Variants in CEP85 observed in about 807,000 individuals in gnomAD.
CEP85 encodes centrosomal protein 85.
A neutral mutation model predicts 93.7 loss-of-function variants in CEP85; 58 were observed. That is an observed-to-expected ratio of 0.62 (90% CI 0.50 to 0.77). The LOEUF (loss-of-function observed/expected upper bound fraction) is 0.77, where lower values mean the gene tolerates loss of function less well. CEP85 is among the 30% of genes least tolerant of loss of function. The pLI is 0.00. For synonymous variants in CEP85, 314 were observed against 338.6 expected (o/e 0.93, Z 0.80); for missense variants, 868 against 922.0 (o/e 0.94, Z 0.76).
chr1:26,275,141 C>T (rs1220158868), intron 12 of CEP85, 70 bp downstream of exon 12: 1 of 1,147,316 alleles, frequency 8.7e-7, no homozygotes, highest in African/African-American at 1.5e-5. Flanking sequence ...CCCTCCCCAT[C>T]TCTACCCCAA....
intron 10 of CEP85, 142 bp downstream of exon 10, chr1:26,271,249 A>G (rs548206626): frequency 3.5e-6 from 2 of 576,086 alleles, no homozygotes; most frequent in South Asian, 2.2e-5. Context: ...CGGAGAAGTC[A>G]CCCTGCATAG....
Position 26,238,254 on chromosome 1 carries a change from G to A in CEP85, c.-22-1508G>A, listed in dbSNP as rs184085629. Among the ~76,000 whole-genome samples the A allele has an allele frequency of 1.3e-4, 16 of 126,824 alleles. No homozygotes were observed. The East Asian group carries it at 3.6e-3, about 29-fold the overall frequency. The allele number at this position is 126,824 out of a possible 152,430, so 83.2% of individuals were successfully genotyped here. On this transcript the variant is annotated intron_variant, in intron 1 of 13. Coordinates refer to ENST00000451429, the MANE Select transcript of CEP85 (RefSeq NM_001319944.2). ...CTTGCTCTGTCGCCCAGGCTGGAGTGCAATGGCGCGATCTTGGCTCACTGC... is the reference window on the plus strand; with the variant it reads ...CTTGCTCTGTCGCCCAGGCTGGAGTACAATGGCGCGATCTTGGCTCACTGC...
chr1:26,241,776 T>A (rs1290849067), intron 2 of CEP85, among the ~76,000 whole-genome samples: 1 of 152,068 alleles, frequency 6.6e-6, no homozygotes, highest in African/African-American at 2.4e-5. Context: ...CTTTTTTTTT[T>A]TTGGAGACGG....
chr1:26,265,197 G>A (rs1041257731), intron 7 of CEP85, among the ~76,000 whole-genome samples: 3 of 151,664 alleles, frequency 2.0e-5, no homozygotes, highest in Non-Finnish European at 4.4e-5. Flanking sequence ...TTGACCAGGC[G>A]GGTCTCAAAC....
chr1:26,237,378 C>T (rs1359594547), intron 1 of CEP85, among the ~76,000 whole-genome samples: 1 of 152,162 alleles, frequency 6.6e-6, no homozygotes, highest in Non-Finnish European at 1.5e-5. Context: ...CCTACCCTCC[C>T]TCCTCTCAGT....
intron 12 of CEP85, among the ~76,000 whole-genome samples, chr1:26,275,886 C>G (rs1380361210): frequency 6.6e-6 from 1 of 152,142 alleles, no homozygotes; most frequent in African/African-American, 2.4e-5. Flanking sequence ...ATTAAGCTGT[C>G]AGGAAGAGAG....
chr1:26,265,993 A>G (rs775857452), intron 7 of CEP85, among the ~76,000 whole-genome samples: 3 of 152,076 alleles, frequency 2.0e-5, no homozygotes, highest in Admixed American at 6.6e-5. Context: ...GGATCACCTA[A>G]GGTCAGGAGT....
At chr1:26,258,314 CT>C in intron 6 of CEP85, 54 bp downstream of exon 6, 4 of 1,101,146 alleles carry the variant, frequency 3.6e-6, no homozygotes, top group Non-Finnish European at 5.6e-6. Flanking sequence ...GGTGTCTTCC[CT>C]ATGCTTGACA....
In CEP85 at chr1:26,259,739, CAG is replaced by C. The variant is rs1417754327; in HGVS notation, c.1283_1284del (p.Glu428ValfsTer11). The C allele has an allele frequency of 4.2e-5, 67 of 1,613,678 alleles. No individual in the cohort carries two copies. Among genetic ancestry groups the C allele is most frequent in the Non-Finnish European group, 5.2e-5 (61 of 1,179,888 alleles). On this transcript the variant is annotated frameshift_variant, in exon 7 of 14. Transcript: ENST00000451429. LOFTEE classifies it high-confidence loss of function. ...SASEVEVQLIRESLKVALQKH... is the reference protein window; with the variant it reads ...SASEVEVQLIXESLKVALQKH... ...CTTCTGAAGTTGAAGTCCAGCTCATCAGAGAGTCGCTCAAAGTGGCGTTGCAG... is the reference window on the plus strand; with the variant it reads ...CTTCTGAAGTTGAAGTCCAGCTCATCAGAGTCGCTCAAAGTGGCGTTGCAG...
intron 2 of CEP85, among the ~76,000 whole-genome samples, chr1:26,241,614 T>C (rs2089427590): frequency 6.6e-6 from 1 of 152,102 alleles, no homozygotes; most frequent in Non-Finnish European, 1.5e-5. Context: ...TCTATGACAA[T>C]TATGTATATA....
rs143095356 is a variant in CEP85 at position 26,251,852 on chromosome 1, A to T, written c.209-3319A>T. ...GCAACCCCTCATGTGCTACAACCTC[A>T]CAGTCTTCTGTTTTGTAATTACACC... On this transcript the variant is annotated intron_variant, in intron 3 of 13. Coordinates refer to ENST00000451429, the MANE Select transcript of CEP85 (RefSeq NM_001319944.2). Among the ~76,000 whole-genome samples, 11 of 152,294 alleles carry T rather than the reference A, an allele frequency of 7.2e-5. No homozygotes were observed. In the East Asian group the frequency reaches 2.1e-3, roughly 29 times the overall value.
intron 3 of CEP85, among the ~76,000 whole-genome samples, chr1:26,253,280 T>G (rs920673882): frequency 3.3e-5 from 5 of 152,180 alleles, no homozygotes; most frequent in African/African-American, 1.2e-4. Context: ...TTTAGTTTTT[T>G]GAGGAGCTAC....
At chr1:26,272,180 A>C in intron 11 of CEP85, 109 bp downstream of exon 11, 1 of 1,071,196 alleles carries the variant, frequency 9.3e-7, no homozygotes. Context: ...AGTGTTAGGG[A>C]TACAAAAAGA....
At chr1:26,246,021 C>G (rs953292335) in intron 3 of CEP85, among the ~76,000 whole-genome samples, 2 of 151,796 alleles carry the variant, frequency 1.3e-5, no homozygotes, top group Non-Finnish European at 1.5e-5. Context: ...ACACAGGTTG[C>G]GTGTGTGACT....
chr1:26,254,955 A>G, intron 3 of CEP85: 1 of 598,756 alleles, frequency 1.7e-6, no homozygotes, highest in South Asian at 2.2e-5. Context: ...AAGTGAAGTC[A>G]TTATTGCCTT....
chr1:26,267,939 T>C (rs1021110217), intron 7 of CEP85, among the ~76,000 whole-genome samples: 3 of 152,182 alleles, frequency 2.0e-5, no homozygotes, highest in African/African-American at 7.2e-5. Context: ...GGCTTAGAGG[T>C]TACAGGCCTC....
chr1:26,276,743 T>C lies in CEP85; in HGVS notation c.2111T>C (p.Leu704Pro). The change falls in exon 13 of 14, where the codon CTG becomes CCG. Residue 704 changes from leucine to proline, a missense_variant. Physicochemically the swap from Leu to Pro is moderately conservative, Grantham distance 98 (BLOSUM62 -3). Coordinates refer to ENST00000451429, the MANE Select transcript of CEP85 (RefSeq NM_001319944.2). The stretch of plus-strand genomic sequence containing the variant: ...CAGGGCCATGACCCCAATCTCTCCC[T>C]GCTCCTGGGCATTCACTGTGAGTCC... ...RAQGHDPNLS[L>P]LLGIHSQHPE... is the part of the protein sequence containing the mutation. 6.2e-7 allele frequency: 1 copy of C among 1,613,796 alleles called. No homozygotes were observed. Among genetic ancestry groups the C allele is most frequent in the East Asian group, 2.2e-5 (1 of 44,880 alleles).
intron 7 of CEP85, among the ~76,000 whole-genome samples, chr1:26,265,608 T>C (rs1490291800): frequency 6.6e-6 from 1 of 152,196 alleles, no homozygotes; most frequent in East Asian, 1.9e-4. Flanking sequence ...TCCCCTATTT[T>C]TCAGCTCTGT....
intron 8 of CEP85, 109 bp downstream of exon 8, chr1:26,268,744 T>C (rs1365363519): frequency 6.1e-6 from 7 of 1,147,018 alleles, no homozygotes; most frequent in East Asian, 2.7e-5. Flanking sequence ...GAAAGGAGAA[T>C]CCCAAAGCAG....
Sources: gnomAD v4.1 joint callset for allele counts (sites outside exome capture counted in the v4.1 genomes callset) on GRCh38, gnomAD v4.1.1 for gene constraint, MANE v1.5 for transcripts, NCBI Gene and HGNC (gene_info 2026-07-23, HGNC 2026-07-21) for gene names.